ZNF385D: variants seen among roughly 807,000 people sequenced by gnomAD.
ZNF385D encodes the protein zinc finger protein 659.
ZNF385D carries 15 observed loss-of-function variants against 35.8 expected under a neutral mutation model. The observed-to-expected ratio is 0.42, with a 90% CI of 0.28 to 0.64. ZNF385D has a LOEUF of 0.64. Among genes scored for constraint, ZNF385D ranks in the 30% least tolerant of loss-of-function variants. The probability of loss-of-function intolerance (pLI) is 0.23; values close to 1 mark genes in which losing one functional copy is unlikely to be tolerated. For synonymous variants in ZNF385D, 212 were observed against 186.8 expected (o/e 1.13, Z -1.10); for missense variants, 474 against 494.6 (o/e 0.96, Z 0.39).
chr3:22,260,056 ACAAT>A (rs1456436477), intron 2 of ZNF385D, among the ~76,000 whole-genome samples: 1 of 152,046 alleles, frequency 6.6e-6, no homozygotes, highest in Non-Finnish European at 1.5e-5. Flanking sequence ...AATTGAAAAC[ACAAT>A]CAATTAGATT....
chr3:21,550,037 G>T (rs2062512994), intron 3 of ZNF385D, among the ~76,000 whole-genome samples: 1 of 152,058 alleles, frequency 6.6e-6, no homozygotes, highest in African/African-American at 2.4e-5. Context: ...CTAACCACTA[G>T]ACCACGAGGG....
At chr3:21,455,268 G>C (rs532214043) in intron 4 of ZNF385D, among the ~76,000 whole-genome samples, 12 of 152,082 alleles carry the variant, frequency 7.9e-5, no homozygotes, top group African/African-American at 2.7e-4. Context: ...AAAAGAACCC[G>C]CATCGCCAAG....
intron 3 of ZNF385D, among the ~76,000 whole-genome samples, chr3:22,031,724 T>G (rs1446753771): frequency 1.3e-5 from 2 of 152,142 alleles, no homozygotes; most frequent in Non-Finnish European, 1.5e-5. Flanking sequence ...TTCTTGTTAC[T>G]TATGCAAATA....
chr3:21,776,414 C>G (rs2071290362), intron 3 of ZNF385D, among the ~76,000 whole-genome samples: 1 of 152,072 alleles, frequency 6.6e-6, no homozygotes, highest in African/African-American at 2.4e-5. Flanking sequence ...CTCAGTTTTA[C>G]TCCACCATAA....
intron 3 of ZNF385D, among the ~76,000 whole-genome samples, chr3:22,111,066 G>A (rs918235662): frequency 1.3e-5 from 2 of 150,476 alleles, no homozygotes; most frequent in African/African-American, 2.4e-5. Context: ...TAATTCAGAC[G>A]TTGTAACTGA....
In ZNF385D at chr3:22,088,501, C is replaced by A. The variant is rs539002756; in HGVS notation, c.325+80316G>T. Among the ~76,000 whole-genome samples the A allele has an allele frequency of 3.9e-5, 6 of 152,272 alleles. No individual in the cohort carries two copies. The South Asian group carries it at 1.0e-3, about 26-fold the overall frequency. On this transcript the variant is annotated intron_variant, in intron 3 of 5. Transcript: ENST00000494108. ...GTGTATGGATGAATCTGAGGCCAGA[C>A]TCCCAGTTTGCAATCATCTGAAATT... is the stretch of plus-strand genomic sequence containing the variant.
At chr3:21,795,305 A>G (rs1310426220) in intron 3 of ZNF385D, among the ~76,000 whole-genome samples, 1 of 152,216 alleles carries the variant, frequency 6.6e-6, no homozygotes, top group African/African-American at 2.4e-5. Context: ...AAGCCTGGAA[A>G]GTCTGTGCCT....
intron 2 of ZNF385D, among the ~76,000 whole-genome samples, chr3:22,350,111 G>A (rs1273369120): frequency 1.3e-5 from 2 of 152,178 alleles, no homozygotes; most frequent in African/African-American, 4.8e-5. Flanking sequence ...AATGCTCAAA[G>A]CCTGGATGTC....
chr3:21,470,092 T>A (rs938072647), intron 4 of ZNF385D, among the ~76,000 whole-genome samples: 1 of 152,224 alleles, frequency 6.6e-6, no homozygotes, highest in South Asian at 2.1e-4. Flanking sequence ...ACAGTACTTT[T>A]TCCCCGTGGA....
intron 3 of ZNF385D, among the ~76,000 whole-genome samples, chr3:21,945,391 T>G (rs1701732304): frequency 6.6e-6 from 1 of 152,182 alleles, no homozygotes; most frequent in African/African-American, 2.4e-5. Context: ...AGATGCACGT[T>G]AGTTGTATGT....
At chr3:22,035,223 A>T (rs1012560718) in intron 3 of ZNF385D, among the ~76,000 whole-genome samples, 1 of 152,230 alleles carries the variant, frequency 6.6e-6, no homozygotes, top group Non-Finnish European at 1.5e-5. Flanking sequence ...TACAACTGGT[A>T]TGCTAAGAAG....
chr3:21,976,469 G>C (rs1183595851), intron 3 of ZNF385D, among the ~76,000 whole-genome samples: 1 of 152,086 alleles, frequency 6.6e-6, no homozygotes. Flanking sequence ...ATGATAGAGG[G>C]ACGCAGCTGA....
chr3:22,111,685 C>T (rs1264714839), intron 3 of ZNF385D, among the ~76,000 whole-genome samples: 1 of 152,118 alleles, frequency 6.6e-6, no homozygotes, highest in East Asian at 1.9e-4. Context: ...TCGTAGATGG[C>T]AGGCTTAAAT....
At chr3:21,898,048 C>T (rs1166094582) in intron 3 of ZNF385D, among the ~76,000 whole-genome samples, 2 of 152,072 alleles carry the variant, frequency 1.3e-5, no homozygotes, top group African/African-American at 4.8e-5. Context: ...ATCATGTGCA[C>T]TGGGATTGTA....
chr3:22,313,640 T>G (rs145481383), intron 2 of ZNF385D, among the ~76,000 whole-genome samples: 1 of 152,208 alleles, frequency 6.6e-6, no homozygotes, highest in East Asian at 1.9e-4. Flanking sequence ...AAGTGTATAA[T>G]TCATAATAAC....
At chr3:21,824,982 A>G (rs1200082884) in intron 3 of ZNF385D, among the ~76,000 whole-genome samples, 5 of 152,208 alleles carry the variant, frequency 3.3e-5, no homozygotes, top group African/African-American at 1.2e-4. Flanking sequence ...GCTTTTTAGG[A>G]AATTAATATG....
intron 5 of ZNF385D, among the ~76,000 whole-genome samples, chr3:21,427,132 C>T (rs145472681): frequency 9.1e-4 from 138 of 152,246 alleles, no homozygotes; most frequent in African/African-American, 3.1e-3. Context: ...AGCACAAATG[C>T]TTTCCACTGC....
intron 3 of ZNF385D, among the ~76,000 whole-genome samples, chr3:21,859,402 T>C (rs1215413318): frequency 7.0e-6 from 1 of 143,332 alleles, no homozygotes; most frequent in Non-Finnish European, 1.5e-5. Context: ...CTTTGGAAAG[T>C]AACAGAAAAA....
intron 2 of ZNF385D, among the ~76,000 whole-genome samples, chr3:21,581,141 T>G (rs2063647782): frequency 6.6e-6 from 1 of 152,160 alleles, no homozygotes; most frequent in Non-Finnish European, 1.5e-5. Context: ...ATTTCTCCAT[T>G]CATTTTCCAT....
Sources: gnomAD v4.1 joint callset for allele counts (sites outside exome capture counted in the v4.1 genomes callset) on GRCh38, gnomAD v4.1.1 for gene constraint, MANE v1.5 for transcripts, NCBI Gene and HGNC (gene_info 2026-07-23, HGNC 2026-07-21) for gene names.